Variants in EDA observed in about 807,000 individuals in gnomAD.
EDA encodes ectodysplasin-A.
In EDA, 2 loss-of-function variants were observed where a neutral mutation model predicts 23.6. The ratio of observed to expected loss-of-function variants is 0.08; its 90% confidence interval spans 0.03 to 0.27. The LOEUF (loss-of-function observed/expected upper bound fraction) is 0.27. Among genes scored for constraint, EDA ranks in the 10% least tolerant of loss-of-function variants. EDA has a pLI of 1.00. For missense variants in EDA, 229 were observed against 324.2 expected (o/e 0.71, Z 2.26); for synonymous variants, 131 against 132.0 (o/e 0.99, Z 0.05).
intron 1 of EDA, among the ~76,000 whole-genome samples, chrX:69,765,103 C>T (rs2147418023): frequency 8.9e-6 from 1 of 111,832 alleles, no homozygotes; most frequent in African/African-American, 3.2e-5. Context: ...TATCACTGAA[C>T]AGCCAGAACT....
At chrX:69,904,735 A>AT (rs938295385) in intron 1 of EDA, among the ~76,000 whole-genome samples, 68 of 110,514 alleles carry the variant, frequency 6.2e-4, no homozygotes, top group African/African-American at 2.0e-3. Context: ...CATGAGTTCA[A>AT]TTTTTTTTTG....
intron 1 of EDA, among the ~76,000 whole-genome samples, chrX:69,719,161 T>C (rs926171311): frequency 9.0e-6 from 1 of 111,233 alleles, no homozygotes; most frequent in African/African-American, 3.3e-5. Context: ...ATTCCTGACA[T>C]TGATAATTTG....
At chrX:69,717,280 A>T (rs2012376949) in intron 1 of EDA, among the ~76,000 whole-genome samples, 2 of 110,968 alleles carry the variant, frequency 1.8e-5, no homozygotes, top group Admixed American at 9.6e-5. Context: ...ACATGAAGGG[A>T]TTCAACAGCA....
At chrX:69,952,090 G>A (rs1047956716) in intron 1 of EDA, among the ~76,000 whole-genome samples, 3 of 112,058 alleles carry the variant, frequency 2.7e-5, no homozygotes, top group African/African-American at 9.7e-5. Context: ...ATTATACAGA[G>A]GATAGTTTTC....
chrX:69,639,546 TG>T (rs1452074787), intron 1 of EDA, among the ~76,000 whole-genome samples: 1 of 112,102 alleles, frequency 8.9e-6, no homozygotes, highest in African/African-American at 3.2e-5. Flanking sequence ...ATATGCTTAT[TG>T]GTTATTTGCA....
At chrX:69,617,383 C>A in intron 1 of EDA, 1 of 116,885 alleles carries the variant, frequency 8.6e-6, no homozygotes, top group Non-Finnish European at 1.7e-5. Flanking sequence ...CTTTGCATGC[C>A]GGTTCTGATT....
chrX:69,714,872 G>A (rs1602326924), intron 1 of EDA, among the ~76,000 whole-genome samples: 2 of 109,347 alleles, frequency 1.8e-5, no homozygotes, highest in Non-Finnish European at 1.9e-5. Flanking sequence ...CCTATTCTGG[G>A]GCCTGTGCCT....
rs2016362341 is a variant in EDA, at chrX:69,824,845, T to C, written c.397-132182T>C. ...ATATTGGCTGTGGGTTTGTCATAGGTAGCTCTTATTATTTTGAGATATGTC... is the reference window on the plus strand; with the variant it reads ...ATATTGGCTGTGGGTTTGTCATAGGCAGCTCTTATTATTTTGAGATATGTC... On this transcript the variant is annotated intron_variant, in intron 1 of 7. Transcript: ENST00000374552. Among the ~76,000 whole-genome samples, 3 of 58,027 alleles carry C rather than the reference T, an allele frequency of 5.2e-5. No homozygotes were observed. In the Admixed American group the frequency reaches 6.0e-4, roughly 12 times the overall value. 50.4% of individuals were successfully genotyped at this position (58,027 alleles called of 115,157 possible). A position where few individuals can be genotyped will look rare whatever the true frequency, so the allele number is the denominator to read the frequency against.
intron 2 of EDA, among the ~76,000 whole-genome samples, chrX:69,972,362 A>T (rs1415937279): frequency 9.0e-6 from 1 of 111,301 alleles, no homozygotes; most frequent in Non-Finnish European, 1.9e-5. Flanking sequence ...GGTTCTGTAG[A>T]TTTTTCTAGC....
At chrX:69,705,223 C>CAAAAA (rs545649412) in intron 1 of EDA, among the ~76,000 whole-genome samples, 2 of 58,853 alleles carry the variant, frequency 3.4e-5, no homozygotes, top group Non-Finnish European at 6.0e-5. Context: ...AACTCCATCT[C>CAAAAA]AAAAAAAAAA....
intron 1 of EDA, among the ~76,000 whole-genome samples, chrX:69,865,409 G>C (rs773514470): frequency 6.3e-5 from 7 of 110,698 alleles, no homozygotes; most frequent in Admixed American, 9.7e-5. Context: ...TCCCAAAACT[G>C]AAGAACTTGG....
intron 1 of EDA, among the ~76,000 whole-genome samples, chrX:69,843,121 G>A (rs1029988382): frequency 3.6e-5 from 4 of 112,194 alleles, no homozygotes; most frequent in Admixed American, 9.5e-5. Context: ...ATGTGCAAAC[G>A]AATATAATTT....
rs753751862 is a variant in EDA at position 70,039,459 on chromosome X, G to A, written c.*3850G>A. The A allele has an allele frequency of 1.2e-4, 14 of 112,011 alleles. No homozygotes were observed. Among genetic ancestry groups the A allele is most frequent in the African/African-American group, 2.9e-4 (9 of 30,778 alleles). The allele number at this position is 112,011 out of a possible 1,213,427, so 9.2% of individuals were successfully genotyped here. ...TCTTTGCAAATAAAACGCTTTCCCC[G>A]TCTGTTCTTGAAATCGGCGTGAGTA... On this transcript the variant is annotated 3_prime_UTR_variant, in exon 8 of 8. Transcript: ENST00000374552.
chrX:69,648,733 C>T (rs1602251217), intron 1 of EDA, among the ~76,000 whole-genome samples: 1 of 111,778 alleles, frequency 8.9e-6, no homozygotes, highest in East Asian at 2.8e-4. Context: ...TCCCTGGAAT[C>T]ACCCCCCTTC....
At chrX:70,011,277 G>A (rs1327896060) in intron 2 of EDA, among the ~76,000 whole-genome samples, 6 of 109,435 alleles carry the variant, frequency 5.5e-5, no homozygotes, top group African/African-American at 2.0e-4. Flanking sequence ...ATACTGCTGT[G>A]ATTTGTTTCA....
intron 1 of EDA, among the ~76,000 whole-genome samples, chrX:69,782,769 C>T (rs1011349319): frequency 5.4e-5 from 6 of 111,699 alleles, no homozygotes; most frequent in South Asian, 3.7e-4. Context: ...GACTGGGAGA[C>T]GGAATAACTT....
chrX:69,973,096 C>T (rs1419944941), intron 2 of EDA, among the ~76,000 whole-genome samples: 1 of 111,564 alleles, frequency 9.0e-6, no homozygotes, highest in African/African-American at 3.3e-5. Context: ...CAGAAAACTC[C>T]TTACTTATTT....
At chrX:69,863,546 CATATATGT>C (rs2017429214) in intron 1 of EDA, among the ~76,000 whole-genome samples, 2 of 31,859 alleles carry the variant, frequency 6.3e-5, no homozygotes, top group Non-Finnish European at 1.6e-4. Flanking sequence ...TATATATATA[CATATATGT>C]ATATATATGT....
chrX:69,653,455 A>T (rs2147245108), intron 1 of EDA, among the ~76,000 whole-genome samples: 1 of 111,087 alleles, frequency 9.0e-6, no homozygotes, highest in South Asian at 3.9e-4. Flanking sequence ...TTCCTAATTG[A>T]ATACCCTTTA....
Sources: allele counts gnomAD v4.1 joint callset (sites outside exome capture counted in the v4.1 genomes callset), GRCh38; gene constraint gnomAD v4.1.1; transcripts MANE v1.5; gene names NCBI Gene and HGNC (gene_info 2026-07-23, HGNC 2026-07-21).